PRTG: variants seen among roughly 807,000 people sequenced by gnomAD.
PRTG encodes immunoglobulin superfamily, DCC subclass, member 5.
Under a neutral mutation model 122.5 loss-of-function variants are expected in PRTG, and 67 were observed. That is an observed-to-expected ratio of 0.55 (90% confidence interval 0.45 to 0.67). The LOEUF is 0.67. Among genes scored for constraint, PRTG ranks in the 30% least tolerant of loss-of-function variants. The probability of loss-of-function intolerance (pLI) is 0.00; values close to 1 mark genes in which losing one functional copy is unlikely to be tolerated. For synonymous variants in PRTG, 554 were observed against 501.1 expected (o/e 1.11, Z -1.41); for missense variants, 1,435 against 1,415.4 (o/e 1.01, Z -0.22).
At chr15:55,649,240 A>G (rs2059340691) in intron 11 of PRTG, among the ~76,000 whole-genome samples, 1 of 152,182 alleles carries the variant, frequency 6.6e-6, no homozygotes, top group Admixed American at 6.6e-5. Flanking sequence ...AGCCTAGCAT[A>G]GTGGTTAAGA....
At chr15:55,727,224 T>C (rs2031066983) in intron 2 of PRTG, among the ~76,000 whole-genome samples, 1 of 151,860 alleles carries the variant, frequency 6.6e-6, no homozygotes, top group Non-Finnish European at 1.5e-5. Flanking sequence ...GAAAAATTTG[T>C]TCATTTTTGA....
intron 2 of PRTG, among the ~76,000 whole-genome samples, chr15:55,717,464 T>A (rs1057273040): frequency 1.1e-4 from 17 of 152,176 alleles, no homozygotes; most frequent in Admixed American, 8.5e-4. Flanking sequence ...ACAGTGAAGG[T>A]TTCTGGGATT....
intron 9 of PRTG, among the ~76,000 whole-genome samples, chr15:55,673,885 T>C (rs1430852038): frequency 6.6e-6 from 1 of 152,132 alleles, no homozygotes; most frequent in African/African-American, 2.4e-5. Context: ...ACAAAGAATA[T>C]AAGATATTCT....
At chr15:55,702,119 CT>C (rs1032978151) in intron 2 of PRTG, among the ~76,000 whole-genome samples, 1 of 152,048 alleles carries the variant, frequency 6.6e-6, no homozygotes, top group African/African-American at 2.4e-5. Flanking sequence ...GGCTATACTT[CT>C]TTAAAAAACA....
Position 55,743,035 on chromosome 15 carries a change from T to G in PRTG, c.-104A>C, listed in dbSNP as rs1179331950. ...GCTCTGCGGCTGGTCGCACGCAGCC[T>G]GGCTCCCCGCTCCGGCTCCGGCACC... On this transcript the variant is annotated 5_prime_UTR_variant, in exon 1 of 20. Transcript: ENST00000389286. 4 of 1,316,900 alleles carry G rather than the reference T, an allele frequency of 3.0e-6. No homozygotes were observed. In the African/African-American group the frequency reaches 6.2e-5, roughly 20 times the overall value. The allele number at this position is 1,316,900 out of a possible 1,614,324, so 81.6% of individuals were successfully genotyped here. A position where few individuals can be genotyped will look rare whatever the true frequency, so the allele number is the denominator to read the frequency against.
intron 2 of PRTG, among the ~76,000 whole-genome samples, chr15:55,696,206 G>A (rs1189212010): frequency 6.6e-6 from 1 of 152,158 alleles, no homozygotes; most frequent in African/African-American, 2.4e-5. Context: ...AGAAGCTGCA[G>A]TGAGCCATTA....
chr15:55,680,963 A>G lies in PRTG; in HGVS notation c.677-335T>C, dbSNP rs1326490135. On this transcript the variant is annotated intron_variant, in intron 4 of 19. Transcript: ENST00000389286. ...ACTTTCAGTCTCTCTGGATTTGCCT[A>G]TTCTAGACATTTCATATAAATGGAA... 2.6e-5 allele frequency among the ~76,000 whole-genome samples: 4 copies of G among 152,240 alleles called. No individual in the cohort carries two copies. In the South Asian group the frequency reaches 6.2e-4, roughly 24 times the overall value.
Position 55,613,248 on chromosome 15 carries a change from T to C in PRTG, c.*6764A>G, listed in dbSNP as rs2059128559. On this transcript the variant is annotated 3_prime_UTR_variant, in exon 20 of 20. Transcript: ENST00000389286. ...TCCGTTAACTTTGCTGTCTCCTACA[T>C]TAATGCAAATAATAAATTAGTTTAT... is the stretch of plus-strand genomic sequence containing the variant. The C allele has an allele frequency of 6.6e-6, 1 of 152,100 alleles. No homozygotes were observed. The highest frequency in any genetic ancestry group is 6.6e-5 in the Admixed American group (1 of 15,262). 9.4% of individuals were successfully genotyped at this position (152,100 alleles called of 1,614,324 possible). A position where few individuals can be genotyped will look rare whatever the true frequency, so the allele number is the denominator to read the frequency against.
At chr15:55,659,927 A>AAAAACAAAACAAAACAAAAC (rs56025011) in intron 11 of PRTG, among the ~76,000 whole-genome samples, 215 of 150,184 alleles carry the variant, frequency 1.4e-3, no homozygotes, top group East Asian at 6.9e-3. Flanking sequence ...AAAAAGTCTC[A>AAAAACAAAACAAAACAAAAC]AAAACAAAAC....
intron 2 of PRTG, among the ~76,000 whole-genome samples, chr15:55,730,720 C>A (rs1050839076): frequency 4.6e-5 from 7 of 152,146 alleles, no homozygotes; most frequent in South Asian, 4.2e-4. Context: ...GAATGGCATG[C>A]ACCCGGGAGG....
intron 2 of PRTG, among the ~76,000 whole-genome samples, chr15:55,707,158 G>C (rs1023617437): frequency 1.3e-5 from 2 of 152,164 alleles, no homozygotes; most frequent in African/African-American, 4.8e-5. Context: ...CCAAATGTGA[G>C]TTTTTTAATG....
intron 15 of PRTG, among the ~76,000 whole-genome samples, chr15:55,630,263 G>C (rs34646495): frequency 0.14 from 20,619 of 152,054 alleles, 1,952 homozygotes; most frequent in African/African-American, 0.27. Context: ...TGGGATTACA[G>C]GCATGAGCCA....
intron 8 of PRTG, 151 bp from the exon 9 acceptor site, chr15:55,675,834 T>C (rs2059499575): frequency 2.0e-6 from 1 of 499,622 alleles, no homozygotes; most frequent in Non-Finnish European, 3.5e-6. Context: ...GGAAGGTCTT[T>C]ATTTTCTAAA....
At chr15:55,700,467 A>T (rs1282907679) in intron 2 of PRTG, among the ~76,000 whole-genome samples, 1 of 152,148 alleles carries the variant, frequency 6.6e-6, no homozygotes, top group African/African-American at 2.4e-5. Context: ...GATAAACTGG[A>T]CTTCATCAAA....
At chr15:55,716,565 T>C (rs1011750677) in intron 2 of PRTG, among the ~76,000 whole-genome samples, 44 of 152,352 alleles carry the variant, frequency 2.9e-4, no homozygotes, top group African/African-American at 1.0e-3. Context: ...TAAAGTCAAG[T>C]GCTGGGAGGA....
chr15:55,632,552 T>C (rs1401058754), intron 15 of PRTG, among the ~76,000 whole-genome samples: 1 of 152,164 alleles, frequency 6.6e-6, no homozygotes, highest in Non-Finnish European at 1.5e-5. Flanking sequence ...GTTACCTCCC[T>C]ACTTCATTTC....
At chr15:55,707,794 G>C (rs1163635433) in intron 2 of PRTG, among the ~76,000 whole-genome samples, 2 of 152,094 alleles carry the variant, frequency 1.3e-5, no homozygotes, top group African/African-American at 4.8e-5. Context: ...CTTTTCCTTT[G>C]ATGGTTTATA....
At chr15:55,620,959 C>G (rs1339295694) in intron 18 of PRTG, among the ~76,000 whole-genome samples, 192 bp from the exon 19 acceptor site, 1 of 152,128 alleles carries the variant, frequency 6.6e-6, no homozygotes, top group African/African-American at 2.4e-5. Flanking sequence ...GTAGTGGGGA[C>G]TGGGCTTCTA....
At chr15:55,686,819 T>C (rs2059573047) in intron 2 of PRTG, among the ~76,000 whole-genome samples, 1 of 152,222 alleles carries the variant, frequency 6.6e-6, no homozygotes, top group Non-Finnish European at 1.5e-5. Flanking sequence ...GAACATTTCC[T>C]TCTCTTGCTA....
Sources: allele counts gnomAD v4.1 joint callset (sites outside exome capture counted in the v4.1 genomes callset), GRCh38; gene constraint gnomAD v4.1.1; transcripts MANE v1.5; gene names NCBI Gene and HGNC (gene_info 2026-07-23, HGNC 2026-07-21).